The following SULF1 variants were observed in gnomAD, a reference collection of about 807,000 sequenced individuals.
SULF1 encodes sulfatase 1, also known as extracellular sulfatase Sulf-1.
In SULF1, 46 loss-of-function variants were observed where a neutral mutation model predicts 110.5. The ratio of observed to expected loss-of-function variants is 0.42; its 90% CI spans 0.33 to 0.53. The LOEUF (loss-of-function observed/expected upper bound fraction) is 0.53, where lower values mean the gene tolerates loss of function less well. Among genes scored for constraint, SULF1 ranks in the 20% least tolerant of loss-of-function variants. The pLI is 0.12. For synonymous variants in SULF1, 371 were observed against 387.1 expected (o/e 0.96, Z 0.49); for missense variants, 941 against 1,094.2 (o/e 0.86, Z 1.98).
intron 8 of SULF1, among the ~76,000 whole-genome samples, chr8:69,595,095 C>T (rs1236598882): frequency 6.6e-6 from 1 of 152,156 alleles, no homozygotes; most frequent in Non-Finnish European, 1.5e-5. Flanking sequence ...GATATTTAAA[C>T]AGTCGATTTT....
intron 19 of SULF1, among the ~76,000 whole-genome samples, chr8:69,630,980 T>C (rs10087999): frequency 0.06 from 9,020 of 149,150 alleles, 445 homozygotes; most frequent in Non-Finnish European, 0.08. Flanking sequence ...GCCCCCACCC[T>C]GCAACAGTCC....
At chr8:69,562,391 T>A (rs1815561147) in intron 3 of SULF1, among the ~76,000 whole-genome samples, 1 of 152,226 alleles carries the variant, frequency 6.6e-6, no homozygotes, top group South Asian at 2.1e-4. Context: ...ACTTAATTAG[T>A]TATGCCTACT....
chr8:69,658,896 T>C lies in SULF1; in HGVS notation c.*361T>C. ...TGCATTTGAACCGACCAACATTAAG[T>C]CCAGAGAGTAAACTTGAATGGAATA... On this transcript the variant is annotated 3_prime_UTR_variant, in exon 23 of 23. Coordinates refer to ENST00000402687, the MANE Select transcript of SULF1 (RefSeq NM_001128205.2). The C allele has an allele frequency of 2.0e-6, 1 of 491,798 alleles. No homozygotes were observed. Among genetic ancestry groups the C allele is most frequent in the African/African-American group, 1.9e-5 (1 of 51,764 alleles). The allele number at this position is 491,798 out of a possible 1,614,324, so 30.5% of individuals were successfully genotyped here.
intron 8 of SULF1, among the ~76,000 whole-genome samples, chr8:69,594,177 G>A (rs1235334697): frequency 6.6e-6 from 1 of 151,968 alleles, no homozygotes; most frequent in African/African-American, 2.4e-5. Context: ...TCAGCCTCCT[G>A]AGTAGCTGGA....
rs980640212 is a variant in SULF1 at position 69,659,088 on chromosome 8, G to A, written c.*553G>A. ...GGCTGCAGCCCATTCGCAGGCACCC[G>A]AAAGAACTTCCCCAGTATGGTGGTC... On this transcript the variant is annotated 3_prime_UTR_variant, in exon 23 of 23. Transcript: ENST00000402687. The A allele has an allele frequency of 4.4e-6, 2 of 456,836 alleles. No homozygotes were observed. Among genetic ancestry groups the A allele is most frequent in the African/African-American group, 2.0e-5 (1 of 50,086 alleles). The allele number at this position is 456,836 out of a possible 1,614,324, so 28.3% of individuals were successfully genotyped here. A position where few individuals can be genotyped will look rare whatever the true frequency, so the allele number is the denominator to read the frequency against.
chr8:69,597,234 G>A (rs1266045726), intron 8 of SULF1: 3 of 152,174 alleles, frequency 2.0e-5, no homozygotes, highest in Non-Finnish European at 4.4e-5. Context: ...CCTCAGCAGG[G>A]GGCAACCACA....
intron 22 of SULF1, among the ~76,000 whole-genome samples, chr8:69,645,726 C>T (rs1156337548): frequency 7.7e-6 from 1 of 129,596 alleles, no homozygotes; most frequent in Non-Finnish European, 1.5e-5. Context: ...CGTGTGGGGA[C>T]TTATCATCAG....
At chr8:69,656,635 C>T (rs922146270) in intron 22 of SULF1, among the ~76,000 whole-genome samples, 3 of 152,160 alleles carry the variant, frequency 2.0e-5, no homozygotes, top group Non-Finnish European at 4.4e-5. Context: ...ATCCATGTCC[C>T]TGAATAGGAA....
upstream of SULF1, among the ~76,000 whole-genome samples, chr8:69,490,027 G>C (rs552970309): frequency 6.6e-6 from 1 of 151,892 alleles, no homozygotes; most frequent in Non-Finnish European, 1.5e-5. Context: ...TGAAGTTAAT[G>C]CTGGGCCTGT....
intron 7 of SULF1, among the ~76,000 whole-genome samples, chr8:69,587,086 T>G (rs1806520009): frequency 6.6e-6 from 1 of 152,198 alleles, no homozygotes; most frequent in African/African-American, 2.4e-5. Context: ...TCAGAGAAAC[T>G]GAAATCAACA....
At chr8:69,590,934 A>G (rs1806853052) in intron 8 of SULF1, among the ~76,000 whole-genome samples, 1 of 152,152 alleles carries the variant, frequency 6.6e-6, no homozygotes, top group Non-Finnish European at 1.5e-5. Context: ...AATACCCCTG[A>G]ACCCCCCTGT....
intron 22 of SULF1, among the ~76,000 whole-genome samples, chr8:69,645,257 G>T (rs1364284953): frequency 6.6e-6 from 1 of 152,100 alleles, no homozygotes; most frequent in Non-Finnish European, 1.5e-5. Context: ...CTGTCAGAGG[G>T]TGTTCATCAT....
chr8:69,658,399 C>A, intron 22 of SULF1, 106 bp from the exon 23 acceptor site: 1 of 800,690 alleles, frequency 1.2e-6, no homozygotes, highest in Non-Finnish European at 2.0e-6. Flanking sequence ...TTTTGAGTGT[C>A]ATACTTCTCA....
In SULF1 at chr8:69,575,497, T is replaced by C. The variant is rs188835982; in HGVS notation, c.173-473T>C. ...ACACAGGCATTTTGATGGGACTTAA[T>C]ATGGAAGAAATTTTTTTCTCTTTTC... On this transcript the variant is annotated intron_variant, in intron 5 of 22. Transcript: ENST00000402687. 1.5e-3 allele frequency among the ~76,000 whole-genome samples: 232 copies of C among 152,282 alleles called. 2 individuals are homozygous for C. The highest frequency in any genetic ancestry group is 5.4e-3 in the African/African-American group (226 of 41,564).
intron 3 of SULF1, among the ~76,000 whole-genome samples, chr8:69,528,941 T>G (rs373370786): frequency 1.3e-5 from 2 of 151,944 alleles, no homozygotes; most frequent in African/African-American, 4.8e-5. Context: ...TATAGCAGAG[T>G]TAAAATGTTT....
At chr8:69,505,792 T>A (rs1419723983) in intron 3 of SULF1, among the ~76,000 whole-genome samples, 1 of 152,132 alleles carries the variant, frequency 6.6e-6, no homozygotes, top group Non-Finnish European at 1.5e-5. Flanking sequence ...CCCTTACATA[T>A]TTTGAAACAT....
intron 5 of SULF1, among the ~76,000 whole-genome samples, chr8:69,571,072 A>T (rs746359969): frequency 2.0e-5 from 3 of 152,266 alleles, no homozygotes; most frequent in Non-Finnish European, 4.4e-5. Flanking sequence ...GTGTGTGTAG[A>T]AAAGGGAAGA....
At chr8:69,633,328 CTTTT>C (rs200590898) in intron 19 of SULF1, among the ~76,000 whole-genome samples, 2 of 134,112 alleles carry the variant, frequency 1.5e-5, no homozygotes, top group Non-Finnish European at 1.6e-5. Flanking sequence ...TCAGGACATT[CTTTT>C]TTTTTTTTTT....
intron 3 of SULF1, among the ~76,000 whole-genome samples, chr8:69,549,119 G>A (rs370118278): frequency 1.3e-5 from 2 of 152,162 alleles, no homozygotes; most frequent in Admixed American, 6.5e-5. Flanking sequence ...GTTTCCATCA[G>A]CAATCCTGCT....
Sources: gnomAD v4.1 joint callset for allele counts (sites outside exome capture counted in the v4.1 genomes callset) on GRCh38, gnomAD v4.1.1 for gene constraint, MANE v1.5 for transcripts, NCBI Gene and HGNC (gene_info 2026-07-23, HGNC 2026-07-21) for gene names.